Variants in RIC1 observed in about 807,000 individuals in gnomAD.
RIC1 encodes the protein guanine nucleotide exchange factor subunit RIC1.
RIC1 carries 88 observed loss-of-function variants against 169.0 expected under a neutral mutation model. The ratio of observed to expected loss-of-function variants is 0.52; its 90% CI spans 0.44 to 0.62. The LOEUF (loss-of-function observed/expected upper bound fraction) is 0.62, where lower values mean the gene tolerates loss of function less well. RIC1 is among the 20% of genes least tolerant of loss of function. The pLI is 0.00. For synonymous variants in RIC1, 790 were observed against 601.5 expected (o/e 1.31, Z -4.59); for missense variants, 1,877 against 1,725.5 (o/e 1.09, Z -1.56).
intron 3 of RIC1, among the ~76,000 whole-genome samples, chr9:5,712,102 T>G (rs1019887751): frequency 9.2e-5 from 14 of 152,188 alleles, no homozygotes; most frequent in African/African-American, 2.9e-4. Flanking sequence ...GTAATGGGAT[T>G]GCTGGGTCAA....
At chr9:5,750,942 AAC>A (rs920644821) in intron 12 of RIC1, among the ~76,000 whole-genome samples, 1 of 151,892 alleles carries the variant, frequency 6.6e-6, no homozygotes, top group Non-Finnish European at 1.5e-5. Context: ...TTCTAAACTT[AAC>A]ACCTTAAGTT....
rs376377982 is a variant in RIC1, at chr9:5,765,482, C to A, written c.2910C>A (p.Gly970=). 5 of 1,614,064 alleles carry A rather than the reference C, an allele frequency of 3.1e-6. No individual in the cohort carries two copies. In the African/African-American group the frequency reaches 6.7e-5, roughly 22 times the overall value. ...TATTCAACACAGCACTAGAACAAGGCAAGTGGGACCTTTGTCGACACATGA... is the reference window on the plus strand; with the variant it reads ...TATTCAACACAGCACTAGAACAAGGAAAGTGGGACCTTTGTCGACACATGA... ...TLLFNTALEQ[G]KWDLCRHMIR... The change falls in exon 20 of 26, where the codon GGC becomes GGA. Residue 970 remains glycine (G), a synonymous_variant. Transcript: ENST00000414202.
chr9:5,740,631 G>A (rs992376479), intron 8 of RIC1, among the ~76,000 whole-genome samples: 1 of 150,996 alleles, frequency 6.6e-6, no homozygotes, highest in Non-Finnish European at 1.5e-5. Flanking sequence ...TCCAGCACAC[G>A]AGATGTAGGC....
chr9:5,658,670 T>G (rs1253488074), intron 2 of RIC1, among the ~76,000 whole-genome samples: 1 of 152,092 alleles, frequency 6.6e-6, no homozygotes, highest in African/African-American at 2.4e-5. Context: ...AAGACTTAGT[T>G]GGACAGATTT....
intron 1 of RIC1, among the ~76,000 whole-genome samples, chr9:5,651,397 T>G (rs1818792947): frequency 6.6e-6 from 1 of 151,990 alleles, no homozygotes; most frequent in South Asian, 2.1e-4. Flanking sequence ...ATGTCTCTAG[T>G]CAGCTATCTT....
chr9:5,761,104 CTTTTTT>C (rs71326188), intron 17 of RIC1, among the ~76,000 whole-genome samples: 5 of 94,714 alleles, frequency 5.3e-5, no homozygotes, highest in Admixed American at 2.6e-4. Flanking sequence ...CCAGCCTCAC[CTTTTTT>C]TTTTTTTTTT....
chr9:5,638,721 C>T (rs779459431), intron 1 of RIC1, among the ~76,000 whole-genome samples: 1 of 152,004 alleles, frequency 6.6e-6, no homozygotes, highest in Non-Finnish European at 1.5e-5. Context: ...TTTTGGTTTT[C>T]TCTTTTAAGG....
At chr9:5,632,302 A>T (rs922248569) in intron 1 of RIC1, among the ~76,000 whole-genome samples, 4 of 152,332 alleles carry the variant, frequency 2.6e-5, no homozygotes, top group African/African-American at 9.6e-5. Flanking sequence ...TGGAAATTGT[A>T]TGTGTACAGT....
chr9:5,763,808 T>C lies in RIC1; in HGVS notation c.2781T>C (p.Phe927=). The C allele has an allele frequency of 6.2e-7, 1 of 1,614,190 alleles. No homozygotes were observed. The highest frequency in any genetic ancestry group is 8.5e-7 in the Non-Finnish European group (1 of 1,180,008). The change falls in exon 19 of 26, where the codon TTT becomes TTC. Residue 927 remains phenylalanine (F), a synonymous_variant. Transcript: ENST00000414202. This position sits in a 1 kb window ranked among gnomAD's most constrained non-coding sequence, Gnocchi z 5.2. ...CTGTTGGAAACCCTAAGGACTTGTT[T>C]GAGGAGTGTTTGATGGCTCAGGATT... ...FAAVGNPKDL[F]EECLMAQDLD...
At chr9:5,720,071 T>C in intron 4 of RIC1, 111 bp from the exon 5 acceptor site, 1 of 740,840 alleles carries the variant, frequency 1.3e-6, no homozygotes, top group Non-Finnish European at 2.2e-6. Flanking sequence ...AGATGTTTTG[T>C]AAATGGTTTC....
chr9:5,670,705 C>T (rs1208082189), intron 2 of RIC1, among the ~76,000 whole-genome samples: 3 of 152,136 alleles, frequency 2.0e-5, no homozygotes, highest in African/African-American at 7.2e-5. Context: ...TTGCCTGCTG[C>T]CTGAATACAA....
At chr9:5,649,193 G>A (rs1369298573) in intron 1 of RIC1, among the ~76,000 whole-genome samples, 1 of 152,110 alleles carries the variant, frequency 6.6e-6, no homozygotes, top group South Asian at 2.1e-4. Flanking sequence ...GACCACAGTA[G>A]AATCCTCAAA....
At chr9:5,655,755 C>A (rs1451867194) in intron 1 of RIC1, among the ~76,000 whole-genome samples, 1 of 151,836 alleles carries the variant, frequency 6.6e-6, no homozygotes, top group African/African-American at 2.4e-5. Flanking sequence ...TGGGGTATAT[C>A]GTATTTGGTT....
intron 3 of RIC1, among the ~76,000 whole-genome samples, chr9:5,703,815 G>C (rs1406854285): frequency 1.3e-5 from 2 of 152,184 alleles, no homozygotes; most frequent in East Asian, 3.8e-4. Context: ...TTGGCTATTG[G>C]AACAGTCCTG....
intron 2 of RIC1, among the ~76,000 whole-genome samples, chr9:5,688,353 C>G (rs776941608): frequency 6.6e-6 from 1 of 152,182 alleles, no homozygotes; most frequent in Non-Finnish European, 1.5e-5. Context: ...AGGAGGGTCA[C>G]TTCAGTTGTT....
Position 5,633,008 on chromosome 9 carries a change from T to C in RIC1, c.144+3555T>C, listed in dbSNP as rs544592408. Among the ~76,000 whole-genome samples the C allele has an allele frequency of 1.8e-3, 280 of 152,282 alleles. 1 individual carries two copies. The highest frequency in any genetic ancestry group is 2.6e-3 in the Non-Finnish European group (176 of 68,000). On this transcript the variant is annotated intron_variant, in intron 1 of 25. Coordinates refer to ENST00000414202, the MANE Select transcript of RIC1 (RefSeq NM_020829.4). Reference sequence around the variant, plus strand: ...TGTATAAAAGGGATGAAGAGACATGTTATATGTTAGTGTGTTAGATGTTAG... The same window carrying C: ...TGTATAAAAGGGATGAAGAGACATGCTATATGTTAGTGTGTTAGATGTTAG...
intron 10 of RIC1, among the ~76,000 whole-genome samples, chr9:5,745,671 A>T (rs1054658604): frequency 2.6e-5 from 4 of 152,102 alleles, no homozygotes; most frequent in South Asian, 2.1e-4. Context: ...TAGGATTAAG[A>T]CCCTGAAATT....
At position 5,774,581 on chromosome 9, in the gene RIC1, C is replaced by T. The variant is rs1432587904; in HGVS notation, c.*335C>T. On this transcript the variant is annotated 3_prime_UTR_variant, in exon 26 of 26. Transcript: ENST00000414202. ...GGTGAGCTTACTTTTTCACTACTTACATCTTCTCACATTTCCCGGTTCTGC... is the reference window on the plus strand; with the variant it reads ...GGTGAGCTTACTTTTTCACTACTTATATCTTCTCACATTTCCCGGTTCTGC... The T allele has an allele frequency of 5.3e-6, 1 of 187,780 alleles. No individual in the cohort carries two copies. The highest frequency in any genetic ancestry group is 1.1e-5 in the Non-Finnish European group (1 of 90,758). The allele number at this position is 187,780 out of a possible 1,614,324, so 11.6% of individuals were successfully genotyped here.
At chr9:5,742,725 A>C in intron 8 of RIC1, 144 bp from the exon 9 acceptor site, 1 of 745,658 alleles carries the variant, frequency 1.3e-6, no homozygotes, top group South Asian at 1.9e-5. Flanking sequence ...AGTAGTCCTA[A>C]ATGACCAGGA....
Sources: allele counts gnomAD v4.1 joint callset (sites outside exome capture counted in the v4.1 genomes callset), GRCh38; gene constraint gnomAD v4.1.1; non-coding constraint Gnocchi (gnomAD v3.1); transcripts MANE v1.5; gene names NCBI Gene and HGNC (gene_info 2026-07-23, HGNC 2026-07-21).